Variants in FKTN observed in about 807,000 individuals in gnomAD.
FKTN encodes the protein ribitol-5-phosphate transferase FKTN.
FKTN carries 47 observed loss-of-function variants against 58.6 expected under a neutral mutation model. The ratio of observed to expected loss-of-function variants is 0.80; its 90% CI spans 0.63 to 1.02. The LOEUF is 1.02. Among genes scored for constraint, FKTN ranks in the 50% least tolerant of loss-of-function variants. The pLI is 0.00. For synonymous variants in FKTN, 178 were observed against 191.9 expected (o/e 0.93, Z 0.60); for missense variants, 516 against 537.3 (o/e 0.96, Z 0.39).
intron 1 of FKTN, among the ~76,000 whole-genome samples, chr9:105,568,158 C>T (rs1205778516): frequency 2.0e-5 from 3 of 152,052 alleles, no homozygotes; most frequent in Non-Finnish European, 2.9e-5. Context: ...GGATTAAAGA[C>T]TTAAATGTTA....
chr9:105,581,652 C>T (rs950377605), intron 3 of FKTN, among the ~76,000 whole-genome samples: 3 of 152,208 alleles, frequency 2.0e-5, no homozygotes, highest in African/African-American at 7.2e-5. Flanking sequence ...GAGGTGGAGC[C>T]TACAGAGGCA....
Position 105,638,843 on chromosome 9 carries a change from T to G in FKTN, c.*3579T>G. 1 of 984,902 alleles carries G rather than the reference T, an allele frequency of 1.0e-6. No individual in the cohort carries two copies. Among genetic ancestry groups the G allele is most frequent in the Non-Finnish European group, 1.2e-6 (1 of 829,460 alleles). 61.0% of individuals were successfully genotyped at this position (984,902 alleles called of 1,614,324 possible). On this transcript the variant is annotated 3_prime_UTR_variant, in exon 11 of 11. Transcript: ENST00000357998. ...TTTTGAGTTTGTGACCTCAAACCAT[T>G]GTTTTTATTCTTACACGACTACAGT...
At chr9:105,571,133 A>ATAT (rs1282915041) in intron 1 of FKTN, among the ~76,000 whole-genome samples, 1 of 152,200 alleles carries the variant, frequency 6.6e-6, no homozygotes, top group African/African-American at 2.4e-5. Context: ...GCAACTTGAT[A>ATAT]CATCTGTCAG....
At chr9:105,617,244 G>T (rs1255813827) in intron 8 of FKTN, among the ~76,000 whole-genome samples, 1 of 152,178 alleles carries the variant, frequency 6.6e-6, no homozygotes, top group Non-Finnish European at 1.5e-5. Flanking sequence ...GGGAGACCCA[G>T]GAGTCCTTAA....
intron 3 of FKTN, among the ~76,000 whole-genome samples, chr9:105,583,851 G>A (rs1455652271): frequency 6.6e-6 from 1 of 152,062 alleles, no homozygotes; most frequent in Admixed American, 6.6e-5. Context: ...ATTTTAGTAT[G>A]AGGTATGAAT....
intron 1 of FKTN, among the ~76,000 whole-genome samples, chr9:105,565,281 C>G (rs77926735): frequency 6.6e-6 from 1 of 152,270 alleles, no homozygotes; most frequent in Non-Finnish European, 1.5e-5. Flanking sequence ...ATGACAGGAT[C>G]AAATTCACAC....
intron 1 of FKTN, among the ~76,000 whole-genome samples, chr9:105,560,399 AG>A (rs1363815323): frequency 1.3e-5 from 2 of 152,218 alleles, no homozygotes; most frequent in African/African-American, 2.4e-5. Flanking sequence ...CATACTTTTA[AG>A]TGACAAGAAT....
At chr9:105,587,752 C>A (rs1174344879) in intron 3 of FKTN, among the ~76,000 whole-genome samples, 1 of 152,060 alleles carries the variant, frequency 6.6e-6, no homozygotes, top group Non-Finnish European at 1.5e-5. Flanking sequence ...AAACATTAGG[C>A]TGTGTAGGTT....
rs1395478938 is a variant in FKTN, at chr9:105,636,793, G to C, written c.*1529G>C. On this transcript the variant is annotated 3_prime_UTR_variant, in exon 11 of 11. Transcript: ENST00000357998. ...CTCAAGAATGGAAACCTGAATGTCTGAGGGAATGGGCTGGTAGACTTTTTC... is the reference window on the plus strand; with the variant it reads ...CTCAAGAATGGAAACCTGAATGTCTCAGGGAATGGGCTGGTAGACTTTTTC... The C allele has an allele frequency of 1.1e-5, 14 of 1,264,098 alleles. 1 individual carries two copies. The highest frequency in any genetic ancestry group is 1.5e-5 in the Non-Finnish European group (14 of 961,888). The allele number at this position is 1,264,098 out of a possible 1,614,324, so 78.3% of individuals were successfully genotyped here.
Position 105,635,422 on chromosome 9 carries a change from T to G in FKTN, c.*158T>G. The G allele has an allele frequency of 6.8e-7, 1 of 1,474,662 alleles. No homozygotes were observed. Among genetic ancestry groups the G allele is most frequent in the East Asian group, 2.5e-5 (1 of 40,556 alleles). The allele number at this position is 1,474,662 out of a possible 1,614,324, so 91.3% of individuals were successfully genotyped here. On this transcript the variant is annotated 3_prime_UTR_variant, in exon 11 of 11. Transcript: ENST00000357998. ...AGTCATCTGATGTAATTCTCTCACT[T>G]AGTACTGAGGAATTTTCATGTGCCA...
chr9:105,613,649 C>T (rs1169888215), intron 7 of FKTN, among the ~76,000 whole-genome samples: 1 of 152,164 alleles, frequency 6.6e-6, no homozygotes, highest in East Asian at 1.9e-4. Context: ...TAGTACTTGC[C>T]CTCAGGGAAC....
chr9:105,601,404 G>A, intron 5 of FKTN, 56 bp downstream of exon 5: 2 of 1,195,588 alleles, frequency 1.7e-6, no homozygotes, highest in South Asian at 2.5e-5. Context: ...AATAGTATAG[G>A]TTTAGGCTAG....
chr9:105,637,294 C>A lies in FKTN; in HGVS notation c.*2030C>A. On this transcript the variant is annotated 3_prime_UTR_variant, in exon 11 of 11. Transcript: ENST00000357998. ...ATCCCTTTTCAGATTAATCTTTTATCCTTTCCTGAAGTACAAAGTCTTAAG... is the reference window on the plus strand; with the variant it reads ...ATCCCTTTTCAGATTAATCTTTTATACTTTCCTGAAGTACAAAGTCTTAAG... The A allele has an allele frequency of 1.0e-6, 1 of 984,910 alleles. No individual in the cohort carries two copies. The highest frequency in any genetic ancestry group is 1.2e-6 in the Non-Finnish European group (1 of 829,460). 61.0% of individuals were successfully genotyped at this position (984,910 alleles called of 1,614,324 possible).
chr9:105,565,352 G>T (rs1839323251), intron 1 of FKTN, among the ~76,000 whole-genome samples: 1 of 152,114 alleles, frequency 6.6e-6, no homozygotes, highest in Non-Finnish European at 1.5e-5. Context: ...ACACAGACTG[G>T]CAAATTGGAT....
At position 105,635,770 on chromosome 9, in the gene FKTN, C is replaced by T; in HGVS notation, c.*506C>T. 1.0e-6 allele frequency: 1 copy of T among 1,000,916 alleles called. No individual in the cohort carries two copies. The highest frequency in any genetic ancestry group is 1.2e-6 in the Non-Finnish European group (1 of 838,018). 62.0% of individuals were successfully genotyped at this position (1,000,916 alleles called of 1,614,324 possible). A position where few individuals can be genotyped will look rare whatever the true frequency, so the allele number is the denominator to read the frequency against. On this transcript the variant is annotated 3_prime_UTR_variant, in exon 11 of 11. Transcript: ENST00000357998. ...ATTCAAGTGATCAGACTTTGAGTGA[C>T]ATCAAGAAAAGATGATATCAGGTTC...
chr9:105,605,413 A>G (rs2132830357), intron 6 of FKTN, among the ~76,000 whole-genome samples: 1 of 152,340 alleles, frequency 6.6e-6, no homozygotes, highest in East Asian at 1.9e-4. Flanking sequence ...TCTTTAAAAT[A>G]CCGTATTACT....
At position 105,604,299 on chromosome 9, in the gene FKTN, TCA is replaced by T. The variant is rs760731888; in HGVS notation, c.456_457del (p.Ser154TrpfsTer3). 2 of 1,613,670 alleles carry T rather than the reference TCA, an allele frequency of 1.2e-6. No homozygotes were observed. Among genetic ancestry groups the T allele is most frequent in the African/African-American group, 2.7e-5 (2 of 74,914 alleles). On this transcript the variant is annotated frameshift_variant, in exon 6 of 11. Transcript: ENST00000357998. LOFTEE classifies it high-confidence loss of function. ...AGATCCCCGGCTAGACGGGATAGAC[TCA>T]CTCTCTGGAACTGAAATCCCCCTGC... Reference protein sequence around the residue: ...SKDPRLDGIDSLSGTEIPLHY... With the variant: ...SKDPRLDGIDXLSGTEIPLHY...
At chr9:105,613,389 A>G (rs918263152) in intron 7 of FKTN, among the ~76,000 whole-genome samples, 3 of 152,244 alleles carry the variant, frequency 2.0e-5, no homozygotes, top group African/African-American at 7.2e-5. Context: ...TTCTGTAGAC[A>G]GTGACTTATC....
intron 7 of FKTN, among the ~76,000 whole-genome samples, chr9:105,614,480 T>C (rs79498354): frequency 0.026 from 3,913 of 152,276 alleles, 187 homozygotes; most frequent in African/African-American, 0.09. Context: ...GGATGATATG[T>C]ACATGGTCAA....
Sources: allele counts gnomAD v4.1 joint callset (sites outside exome capture counted in the v4.1 genomes callset), GRCh38; gene constraint gnomAD v4.1.1; transcripts MANE v1.5; gene names NCBI Gene and HGNC (gene_info 2026-07-23, HGNC 2026-07-21).